CADPS2: variants seen among roughly 807,000 people sequenced by gnomAD.
CADPS2 encodes the protein calcium dependent secretion activator 2, also known as calcium-dependent secretion activator 2.
In CADPS2, 93 loss-of-function variants were observed where a neutral mutation model predicts 172.5. That is an observed-to-expected ratio of 0.54 (90% CI 0.46 to 0.64). The LOEUF (loss-of-function observed/expected upper bound fraction) is 0.64. Ranked by LOEUF, CADPS2 falls within the 30% of genes least tolerant of loss-of-function variation. CADPS2 has a pLI of 0.00. For missense variants in CADPS2, 1,420 were observed against 1,565.9 expected, an observed-to-expected ratio of 0.91 and a Z score of 1.57; for synonymous variants, 546 against 555.2, an observed-to-expected ratio of 0.98 and a Z score of 0.23.
At chr7:122,329,051 A>G (rs370430049) in intron 28 of CADPS2, among the ~76,000 whole-genome samples, 1 of 152,150 alleles carries the variant, frequency 6.6e-6, no homozygotes, top group African/African-American at 2.4e-5. Flanking sequence ...TGCATTTTTA[A>G]TAACAAGAGG....
Position 122,643,609 on chromosome 7 carries a change from T to C in CADPS2, c.787-14281A>G, listed in dbSNP as rs1042793462. On this transcript the variant is annotated intron_variant, in intron 3 of 29. Transcript: ENST00000449022. Reference sequence around the variant, plus strand: ...CTGAACTGATTTTATCACCCATTCCTCAATATGGTTCCCCTATTTCTGCAT... The same window carrying C: ...CTGAACTGATTTTATCACCCATTCCCCAATATGGTTCCCCTATTTCTGCAT... Among the ~76,000 whole-genome samples, 10 of 152,156 alleles carry C rather than the reference T, an allele frequency of 6.6e-5. No homozygotes were observed. The South Asian group carries it at 8.3e-4, about 13-fold the overall frequency.
At chr7:122,493,361 T>C (rs1241496573) in intron 9 of CADPS2, among the ~76,000 whole-genome samples, 2 of 152,074 alleles carry the variant, frequency 1.3e-5, no homozygotes, top group Non-Finnish European at 2.9e-5. Flanking sequence ...GAAAATATAT[T>C]TTCTGTTCTG....
chr7:122,526,873 C>T lies in CADPS2; in HGVS notation c.1476-13558G>A, dbSNP rs560302428. Among the ~76,000 whole-genome samples, 54 of 152,248 alleles carry T rather than the reference C, an allele frequency of 3.5e-4. No homozygotes were observed. The South Asian group carries it at 7.7e-3, about 22-fold the overall frequency. ...ACTGCAAACTCCATGAGGGCAAGGG[C>T]CATATCAGCTGTGACTCACCACTCT... On this transcript the variant is annotated intron_variant, in intron 8 of 29. Transcript: ENST00000449022.
At chr7:122,617,237 T>G (rs1006664624) in intron 5 of CADPS2, among the ~76,000 whole-genome samples, 4 of 152,182 alleles carry the variant, frequency 2.6e-5, no homozygotes, top group Admixed American at 6.5e-5. Flanking sequence ...CGTTTTACCC[T>G]GCAGAATCGT....
intron 8 of CADPS2, among the ~76,000 whole-genome samples, chr7:122,530,809 C>G (rs546325858): frequency 1.1e-4 from 16 of 152,120 alleles, no homozygotes; most frequent in Admixed American, 2.6e-4. Flanking sequence ...AAATTGTCTT[C>G]AAGTAAGCTT....
At chr7:122,610,871 C>G (rs953563467) in intron 6 of CADPS2, among the ~76,000 whole-genome samples, 4 of 152,206 alleles carry the variant, frequency 2.6e-5, no homozygotes, top group African/African-American at 7.2e-5. Context: ...CAATGGGTTT[C>G]AGAACTGGCA....
chr7:122,357,011 CAG>C (rs2039495236), intron 27 of CADPS2, among the ~76,000 whole-genome samples: 1 of 152,154 alleles, frequency 6.6e-6, no homozygotes, highest in African/African-American at 2.4e-5. Flanking sequence ...TCTGAGCTAA[CAG>C]AGCAAGAAAA....
chr7:122,850,000 C>A, intron 1 of CADPS2: 1 of 800,720 alleles, frequency 1.2e-6, no homozygotes, highest in Non-Finnish European at 1.8e-6. Flanking sequence ...CCAAGCCTGC[C>A]TAGGCTGGGG....
chr7:122,511,787 C>T (rs1215564541), intron 9 of CADPS2, among the ~76,000 whole-genome samples: 1 of 152,096 alleles, frequency 6.6e-6, no homozygotes, highest in Non-Finnish European at 1.5e-5. Flanking sequence ...ACAACTTTGT[C>T]AAATTAGATA....
chr7:122,803,885 G>T (rs796741315), intron 1 of CADPS2, among the ~76,000 whole-genome samples: 2 of 150,214 alleles, frequency 1.3e-5, no homozygotes, highest in Admixed American at 6.7e-5. Flanking sequence ...CTAGGGGATG[G>T]GTTACTTAAT....
intron 28 of CADPS2, among the ~76,000 whole-genome samples, chr7:122,333,013 T>G (rs1164293075): frequency 6.6e-6 from 1 of 152,194 alleles, no homozygotes; most frequent in Non-Finnish European, 1.5e-5. Flanking sequence ...CTTAGTGTCC[T>G]TGATGGGATG....
At chr7:122,872,411 T>C (rs1489630911) in intron 1 of CADPS2, among the ~76,000 whole-genome samples, 1 of 152,084 alleles carries the variant, frequency 6.6e-6, no homozygotes, top group Non-Finnish European at 1.5e-5. Flanking sequence ...GAAAGCTTTA[T>C]ACAAAAGCTT....
chr7:122,695,137 T>C (rs1406825057), intron 2 of CADPS2, among the ~76,000 whole-genome samples: 1 of 152,212 alleles, frequency 6.6e-6, no homozygotes, highest in Non-Finnish European at 1.5e-5. Context: ...ATTATCAATG[T>C]AGTGTGTCCT....
At chr7:122,765,196 A>T (rs2093508244) in intron 1 of CADPS2, among the ~76,000 whole-genome samples, 1 of 152,172 alleles carries the variant, frequency 6.6e-6, no homozygotes, top group South Asian at 2.1e-4. Context: ...GAAGGCTCAC[A>T]GTTATATTTT....
chr7:122,462,729 G>T (rs146882046), intron 14 of CADPS2, among the ~76,000 whole-genome samples: 3 of 152,224 alleles, frequency 2.0e-5, no homozygotes, highest in African/African-American at 7.2e-5. Context: ...TACATATCAT[G>T]CAAAAATCAT....
chr7:122,699,060 T>A, intron 2 of CADPS2: 1 of 618,926 alleles, frequency 1.6e-6, no homozygotes, highest in Non-Finnish European at 2.8e-6. Flanking sequence ...AAGAAATTCT[T>A]AAAGATGGCT....
chr7:122,491,906 C>A (rs916456811), intron 9 of CADPS2, among the ~76,000 whole-genome samples: 1 of 152,184 alleles, frequency 6.6e-6, no homozygotes, highest in Admixed American at 6.5e-5. Flanking sequence ...AAAAAAAGAT[C>A]TCACGCCTGT....
chr7:122,857,355 G>A (rs1584964605), intron 1 of CADPS2, among the ~76,000 whole-genome samples: 2 of 152,038 alleles, frequency 1.3e-5, no homozygotes, highest in Admixed American at 6.5e-5. Context: ...CAGGTCTGGA[G>A]ATGTATGAGT....
chr7:122,662,274 TAAAC>T (rs1016617441), intron 3 of CADPS2, among the ~76,000 whole-genome samples: 4 of 151,362 alleles, frequency 2.6e-5, no homozygotes, highest in Non-Finnish European at 4.4e-5. Flanking sequence ...ACCCTCAACA[TAAAC>T]AAACAAAATG....
Sources: allele counts gnomAD v4.1 joint callset (sites outside exome capture counted in the v4.1 genomes callset), GRCh38; gene constraint gnomAD v4.1.1; transcripts MANE v1.5; gene names NCBI Gene and HGNC (gene_info 2026-07-23, HGNC 2026-07-21).